The following BABAM2 variants were observed in gnomAD, a reference collection of about 807,000 sequenced individuals.
BABAM2 encodes the protein BRISC and BRCA1-A complex member 2.
In BABAM2, 31 loss-of-function variants were observed where a neutral mutation model predicts 54.7. The observed-to-expected ratio is 0.57, with a 90% CI of 0.43 to 0.77. The LOEUF (loss-of-function observed/expected upper bound fraction) is 0.77, where lower values mean the gene tolerates loss of function less well. Ranked by LOEUF, BABAM2 falls within the 30% of genes least tolerant of loss-of-function variation. BABAM2 has a pLI of 0.00. For missense variants in BABAM2, 364 were observed against 455.8 expected, an observed-to-expected ratio of 0.80 and a Z score of 1.83; for synonymous variants, 167 against 162.9, an observed-to-expected ratio of 1.03 and a Z score of -0.19.
intron 7 of BABAM2, among the ~76,000 whole-genome samples, chr2:28,165,489 G>T (rs1177955942): frequency 6.7e-6 from 1 of 148,704 alleles, no homozygotes; most frequent in East Asian, 2.0e-4. Flanking sequence ...AGAGAAAATG[G>T]TGGGGGAAGG....
chr2:28,128,441 G>A (rs1669760263), intron 6 of BABAM2, among the ~76,000 whole-genome samples: 1 of 152,158 alleles, frequency 6.6e-6, no homozygotes. Context: ...CTTGGTGCTT[G>A]GCAATAATCA....
At chr2:28,302,799 T>C (rs1461729092) in intron 11 of BABAM2, among the ~76,000 whole-genome samples, 2 of 152,236 alleles carry the variant, frequency 1.3e-5, no homozygotes, top group East Asian at 3.8e-4. Context: ...TAAGATCTCA[T>C]GTTTTTAATT....
intron 11 of BABAM2, among the ~76,000 whole-genome samples, chr2:28,303,312 T>C (rs1026314257): frequency 7.9e-5 from 12 of 152,362 alleles, no homozygotes; most frequent in African/African-American, 2.9e-4. Flanking sequence ...TTCTAGAAGC[T>C]TTTGTTTTGA....
chr2:28,184,263 C>CATCTCTCTCT (rs1676004291), intron 7 of BABAM2, among the ~76,000 whole-genome samples: 1 of 59,372 alleles, frequency 1.7e-5, no homozygotes, highest in Non-Finnish European at 3.1e-5. Context: ...TCCCTCCCTC[C>CATCTCTCTCT]CTCTCTCTCT....
At chr2:28,257,055 C>T (rs1684040934) in intron 10 of BABAM2, among the ~76,000 whole-genome samples, 2 of 152,140 alleles carry the variant, frequency 1.3e-5, no homozygotes, top group South Asian at 4.1e-4. Flanking sequence ...CATCTCAGTA[C>T]TGGCCTGATG....
intron 6 of BABAM2, among the ~76,000 whole-genome samples, chr2:28,076,099 A>G (rs755799084): frequency 2.4e-4 from 37 of 152,068 alleles, no homozygotes; most frequent in Non-Finnish European, 4.9e-4. Context: ...CCCTGTCTCT[A>G]CAACAAAAAA....
At chr2:28,235,417 C>T (rs573495568) in intron 7 of BABAM2, among the ~76,000 whole-genome samples, 2 of 151,986 alleles carry the variant, frequency 1.3e-5, no homozygotes, top group South Asian at 2.1e-4. Flanking sequence ...CCTTGTGATC[C>T]GCCCCCCTCA....
At chr2:28,305,344 A>G (rs768978321) in intron 11 of BABAM2, among the ~76,000 whole-genome samples, 2 of 152,160 alleles carry the variant, frequency 1.3e-5, no homozygotes, top group Non-Finnish European at 2.9e-5. Flanking sequence ...GAATTACATT[A>G]TTTAGTTTTT....
At chr2:28,166,141 C>G (rs146588922) in intron 7 of BABAM2, among the ~76,000 whole-genome samples, 31 of 152,330 alleles carry the variant, frequency 2.0e-4, no homozygotes, top group African/African-American at 7.2e-4. Flanking sequence ...CCTTAGACTT[C>G]CAGCCTCTAC....
intron 11 of BABAM2, among the ~76,000 whole-genome samples, chr2:28,315,745 G>C (rs1345965472): frequency 2.6e-5 from 4 of 151,300 alleles, no homozygotes; most frequent in Admixed American, 2.0e-4. Context: ...CTCCCATCTT[G>C]ACCTCACAAA....
intron 10 of BABAM2, among the ~76,000 whole-genome samples, chr2:28,284,226 ACATTAATTTC>A (rs1323430804): frequency 6.6e-6 from 1 of 152,230 alleles, no homozygotes; most frequent in East Asian, 1.9e-4. Context: ...TCAAAGAGGA[ACATTAATTTC>A]CATTCCCCTG....
upstream of BABAM2, among the ~76,000 whole-genome samples, chr2:27,889,356 T>G (rs1664650506): frequency 6.6e-6 from 1 of 152,246 alleles, no homozygotes; most frequent in African/African-American, 2.4e-5. Context: ...GAGGTGTTAC[T>G]GTAGCATACC....
chr2:28,249,635 T>C (rs1043603682), intron 10 of BABAM2, among the ~76,000 whole-genome samples: 4 of 152,188 alleles, frequency 2.6e-5, no homozygotes, highest in Non-Finnish European at 5.9e-5. Flanking sequence ...TGAGAGAGGC[T>C]CATATGTTAT....
chr2:28,030,631 C>T (rs1279027980), intron 5 of BABAM2, among the ~76,000 whole-genome samples: 1 of 152,124 alleles, frequency 6.6e-6, no homozygotes, highest in East Asian at 1.9e-4. Context: ...AAAATATAGA[C>T]CAAGAGTCTG....
At chr2:28,078,826 C>CT (rs1664918926) in intron 6 of BABAM2, among the ~76,000 whole-genome samples, 1 of 152,166 alleles carries the variant, frequency 6.6e-6, no homozygotes, top group Non-Finnish European at 1.5e-5. Flanking sequence ...GAACTATAAA[C>CT]TTGAAAGGGT....
chr2:28,042,061 C>A (rs577218061), intron 5 of BABAM2, among the ~76,000 whole-genome samples: 1 of 152,090 alleles, frequency 6.6e-6, no homozygotes, highest in Non-Finnish European at 1.5e-5. Flanking sequence ...GGAGAGTTAA[C>A]AAGATTTTGC....
chr2:28,055,661 G>A lies in BABAM2; in HGVS notation c.570+9862G>A, dbSNP rs144648609. On this transcript the variant is annotated intron_variant, in intron 6 of 11. Transcript: ENST00000379624. ...CAGGTAGTTTCTTGGAATGTAGATT[G>A]GGGTAACCCATTATGGAAAACACAA... 5.7e-3 allele frequency among the ~76,000 whole-genome samples: 864 copies of A among 152,258 alleles called. 14 individuals are homozygous for A. The highest frequency in any genetic ancestry group is 0.02 in the African/African-American group (819 of 41,546).
chr2:28,021,370 C>T (rs6741476), intron 4 of BABAM2, among the ~76,000 whole-genome samples: 151,125 of 152,304 alleles, frequency 0.99, 74,998 homozygotes, highest in Middle Eastern at 1. Flanking sequence ...GACATTGGTG[C>T]CGTGTGCAGG....
At position 28,076,430 on chromosome 2, in the gene BABAM2, CTAGA is replaced by C. The variant is rs1197949614; in HGVS notation, c.570+30634_570+30637del. Among the ~76,000 whole-genome samples, 4 of 151,518 alleles carry C rather than the reference CTAGA, an allele frequency of 2.6e-5. No homozygotes were observed. The South Asian group carries it at 6.3e-4, about 24-fold the overall frequency. On this transcript the variant is annotated intron_variant, in intron 6 of 11. Coordinates refer to ENST00000379624, the MANE Select transcript of BABAM2 (RefSeq NM_199191.3). ...TACTGTATTTGAGATCATTTAAATC[CTAGA>C]TAACCATTGAAAATTTTTATTTTAT...
Sources: allele counts gnomAD v4.1 joint callset (sites outside exome capture counted in the v4.1 genomes callset), GRCh38; gene constraint gnomAD v4.1.1; transcripts MANE v1.5; gene names NCBI Gene and HGNC (gene_info 2026-07-23, HGNC 2026-07-21).